Variants in CNTN4 observed in about 807,000 individuals in gnomAD.
The protein encoded by CNTN4 is contactin 4, also known as contactin-4.
Under a neutral mutation model 122.5 loss-of-function variants are expected in CNTN4, and 77 were observed. The observed-to-expected ratio is 0.63, with a 90% CI of 0.52 to 0.76. The LOEUF (loss-of-function observed/expected upper bound fraction) is 0.76, where lower values mean the gene tolerates loss of function less well. CNTN4 is among the 30% of genes least tolerant of loss of function. The pLI is 0.00. For missense variants in CNTN4, 1,256 were observed against 1,259.1 expected, an observed-to-expected ratio of 1.00 and a Z score of 0.04; for synonymous variants, 512 against 447.0, an observed-to-expected ratio of 1.15 and a Z score of -1.83.
intron 7 of CNTN4, among the ~76,000 whole-genome samples, chr3:2,824,901 G>A (rs2092954678): frequency 6.6e-6 from 1 of 152,162 alleles, no homozygotes; most frequent in Non-Finnish European, 1.5e-5. Context: ...GACCTCAAGT[G>A]ATCTGCCTAC....
chr3:2,447,567 C>T (rs1381674117), intron 3 of CNTN4, among the ~76,000 whole-genome samples: 1 of 151,908 alleles, frequency 6.6e-6, no homozygotes, highest in Non-Finnish European at 1.5e-5. Context: ...TTCTACGTAG[C>T]AAGACCTGTA....
chr3:2,188,221 G>C (rs2037365122), intron 2 of CNTN4, among the ~76,000 whole-genome samples: 1 of 152,090 alleles, frequency 6.6e-6, no homozygotes, highest in African/African-American at 2.4e-5. Context: ...CTTCAACATG[G>C]AAGTCCATGA....
intron 7 of CNTN4, among the ~76,000 whole-genome samples, chr3:2,832,596 C>G (rs2093128110): frequency 6.6e-6 from 1 of 152,112 alleles, no homozygotes; most frequent in Non-Finnish European, 1.5e-5. Flanking sequence ...GTATGTAAGT[C>G]TGGAGTGGAG....
At chr3:2,725,391 T>G (rs2088154334) in intron 4 of CNTN4, among the ~76,000 whole-genome samples, 2 of 152,148 alleles carry the variant, frequency 1.3e-5, no homozygotes, top group African/African-American at 4.8e-5. Flanking sequence ...AGTCCTCATT[T>G]TTAACTGGCT....
In CNTN4 at chr3:2,418,822, A is replaced by G. The variant is rs759748134; in HGVS notation, c.-89+79589A>G. On this transcript the variant is annotated intron_variant, in intron 3 of 24. Coordinates refer to ENST00000418658, the MANE Select transcript of CNTN4 (RefSeq NM_175607.3). ...AAATCCATGTTGGCTTGCATTGTGA[A>G]AGAAGGGAATAATTTACAGTTCATG... Among the ~76,000 whole-genome samples, 30 of 152,340 alleles carry G rather than the reference A, an allele frequency of 2.0e-4. 1 individual carries two copies. The South Asian group carries it at 3.1e-3, about 16-fold the overall frequency.
chr3:2,787,102 C>T (rs1035395875), intron 6 of CNTN4, among the ~76,000 whole-genome samples: 18 of 152,096 alleles, frequency 1.2e-4, no homozygotes, highest in Admixed American at 4.6e-4. Context: ...ATCGGCCAGG[C>T]GCGGTGGCTC....
intron 2 of CNTN4, among the ~76,000 whole-genome samples, chr3:2,337,516 G>A (rs1201470711): frequency 2.0e-5 from 3 of 152,008 alleles, no homozygotes; most frequent in African/African-American, 7.2e-5. Flanking sequence ...ATCCTTTGAG[G>A]ATGAATACTG....
At chr3:2,597,350 T>C (rs78127085) in intron 4 of CNTN4, among the ~76,000 whole-genome samples, 21,909 of 152,190 alleles carry the variant, frequency 0.14, 2,002 homozygotes, top group Non-Finnish European at 0.21. Context: ...TTGTAGTTTG[T>C]CCTCTAGGTT....
intron 13 of CNTN4, among the ~76,000 whole-genome samples, chr3:2,933,605 G>A (rs1577324691): frequency 6.6e-6 from 1 of 152,156 alleles, no homozygotes; most frequent in Admixed American, 6.5e-5. Flanking sequence ...GCTAGTAAAG[G>A]CAAGTTCTTC....
chr3:3,012,714 A>G (rs1346426896), intron 14 of CNTN4, among the ~76,000 whole-genome samples: 2 of 152,070 alleles, frequency 1.3e-5, no homozygotes, highest in African/African-American at 4.8e-5. Context: ...CACGCCTGTA[A>G]TCCCAGCACT....
At chr3:3,035,304 TCAA>T (rs1231149976) in intron 17 of CNTN4, among the ~76,000 whole-genome samples, 1 of 95,416 alleles carries the variant, frequency 1.0e-5, no homozygotes, top group Non-Finnish European at 2.1e-5. Flanking sequence ...AGACTCCGTC[TCAA>T]AAAAAAAAAA....
intron 2 of CNTN4, among the ~76,000 whole-genome samples, chr3:2,179,554 G>T (rs1301508760): frequency 6.6e-6 from 1 of 151,954 alleles, no homozygotes; most frequent in Non-Finnish European, 1.5e-5. Flanking sequence ...TGAGGACAAT[G>T]TGTTTTTCAT....
intron 12 of CNTN4, among the ~76,000 whole-genome samples, chr3:2,911,561 C>T (rs1259425344): frequency 1.3e-5 from 2 of 152,040 alleles, no homozygotes; most frequent in South Asian, 2.1e-4. Context: ...ACCAAAGGAA[C>T]AAATTATATC....
chr3:2,776,001 A>G (rs1026198057), intron 6 of CNTN4, among the ~76,000 whole-genome samples: 2 of 152,186 alleles, frequency 1.3e-5, no homozygotes, highest in African/African-American at 2.4e-5. Context: ...TTTGCATTTT[A>G]TACATACTTA....
At chr3:2,108,258 C>G (rs1361956873) in intron 2 of CNTN4, among the ~76,000 whole-genome samples, 1 of 150,188 alleles carries the variant, frequency 6.7e-6, no homozygotes, top group Non-Finnish European at 1.5e-5. Context: ...ACAGTTTGCA[C>G]AATGCTCAAC....
intron 14 of CNTN4, among the ~76,000 whole-genome samples, chr3:3,004,300 T>C (rs1013069747): frequency 2.6e-5 from 4 of 152,178 alleles, no homozygotes; most frequent in African/African-American, 7.2e-5. Flanking sequence ...TTGGTGTTTT[T>C]CCTGATCCAG....
chr3:2,672,336 G>A (rs531548156), intron 4 of CNTN4, among the ~76,000 whole-genome samples: 21 of 152,110 alleles, frequency 1.4e-4, no homozygotes, highest in African/African-American at 2.4e-4. Context: ...CCCCAGCCTC[G>A]CTGCTGCCTT....
intron 4 of CNTN4, among the ~76,000 whole-genome samples, chr3:2,732,879 C>T (rs533099521): frequency 4.1e-4 from 62 of 152,112 alleles, no homozygotes; most frequent in African/African-American, 1.3e-3. Flanking sequence ...GGATTTCCTT[C>T]GATGAGAACT....
At chr3:2,670,832 T>G (rs2150372959) in intron 4 of CNTN4, among the ~76,000 whole-genome samples, 1 of 152,328 alleles carries the variant, frequency 6.6e-6, no homozygotes, top group South Asian at 2.1e-4. Flanking sequence ...GTAAAGGATT[T>G]TATTTCTCCT....
Sources: gnomAD v4.1 joint callset for allele counts (sites outside exome capture counted in the v4.1 genomes callset) on GRCh38, gnomAD v4.1.1 for gene constraint, MANE v1.5 for transcripts, NCBI Gene and HGNC (gene_info 2026-07-23, HGNC 2026-07-21) for gene names.